ARPP21: variants seen among roughly 807,000 people sequenced by gnomAD.
ARPP21 encodes the protein cAMP-regulated phosphoprotein 21.
A neutral mutation model predicts 113.2 loss-of-function variants in ARPP21; 69 were observed. That is an observed-to-expected ratio of 0.61 (90% CI 0.50 to 0.74). ARPP21 has a LOEUF of 0.74. ARPP21 is among the 30% of genes least tolerant of loss of function. The pLI is 0.00. For synonymous variants in ARPP21, 368 were observed against 375.5 expected, an observed-to-expected ratio of 0.98 and a Z score of 0.23; for missense variants, 1,070 against 1,037.4, an observed-to-expected ratio of 1.03 and a Z score of -0.43.
At chr3:35,788,799 C>A (rs1337659464) in intron 19 of ARPP21, among the ~76,000 whole-genome samples, 1 of 152,138 alleles carries the variant, frequency 6.6e-6, no homozygotes, top group Non-Finnish European at 1.5e-5. Context: ...TAACCAAATG[C>A]CCTCAAACTA....
At chr3:35,644,929 T>C (rs949654311) in intron 1 of ARPP21, among the ~76,000 whole-genome samples, 34 of 151,882 alleles carry the variant, frequency 2.2e-4, no homozygotes, top group African/African-American at 7.5e-4. Flanking sequence ...ATGTGACAGG[T>C]TTAGAAGATT....
chr3:35,734,024 A>G (rs2150587372), intron 15 of ARPP21, among the ~76,000 whole-genome samples: 1 of 152,338 alleles, frequency 6.6e-6, no homozygotes, highest in Admixed American at 6.5e-5. Flanking sequence ...GGGGTAAATC[A>G]AAAGCCATAC....
intron 9 of ARPP21, among the ~76,000 whole-genome samples, chr3:35,705,660 C>A (rs2088630531): frequency 6.6e-6 from 1 of 152,016 alleles, no homozygotes; most frequent in African/African-American, 2.4e-5. Flanking sequence ...AACGTGAAAT[C>A]AAAAGAAGCA....
chr3:35,646,118 G>T (rs1393944326), intron 1 of ARPP21, among the ~76,000 whole-genome samples: 1 of 151,864 alleles, frequency 6.6e-6, no homozygotes, highest in Non-Finnish European at 1.5e-5. Context: ...TAGAAAAATC[G>T]AGCCACTGGT....
Position 35,738,242 on chromosome 3 carries a change from A to T in ARPP21, c.1673A>T (p.Gln558Leu). The T allele has an allele frequency of 6.5e-7, 1 of 1,536,330 alleles. No individual in the cohort carries two copies. Among genetic ancestry groups the T allele is most frequent in the African/African-American group, 1.4e-5 (1 of 73,154 alleles). Residue 558 changes from glutamine to leucine, a missense_variant, in exon 17 of 21, where the codon CAG (glutamine) becomes CTG (leucine). Gln to Leu is a moderately radical substitution (Grantham distance 113, BLOSUM62 -2). Transcript: ENST00000684406. Reference sequence around the variant, plus strand: ...GTCCAGGGGCTGCAGGCTTCCTCCCAGTCAGTGCAATATCCAGCAGTCTCT... The same window carrying T: ...GTCCAGGGGCTGCAGGCTTCCTCCCTGTCAGTGCAATATCCAGCAGTCTCT... ...QSVQGLQASSQSVQYPAVSFP... is the reference protein window; with the variant it reads ...QSVQGLQASSLSVQYPAVSFP...
chr3:35,770,487 C>G (rs1486551771), intron 19 of ARPP21, among the ~76,000 whole-genome samples: 1 of 151,870 alleles, frequency 6.6e-6, no homozygotes, highest in African/African-American at 2.4e-5. Context: ...GCATATGGTT[C>G]TTTTCACCAC....
chr3:35,675,798 A>AGATGAT (rs58955088), intron 1 of ARPP21, among the ~76,000 whole-genome samples: 6,865 of 149,300 alleles, frequency 0.046, 198 homozygotes, highest in African/African-American at 0.085. Flanking sequence ...GCTAAGATGA[A>AGATGAT]GATGATGATG....
chr3:35,765,120 T>C (rs2095916590), intron 19 of ARPP21, among the ~76,000 whole-genome samples: 1 of 152,122 alleles, frequency 6.6e-6, no homozygotes, highest in Admixed American at 6.6e-5. Flanking sequence ...TATATGGAAT[T>C]TTTGCAGAAA....
At chr3:35,743,256 C>T (rs892108579) in intron 18 of ARPP21, among the ~76,000 whole-genome samples, 2 of 152,114 alleles carry the variant, frequency 1.3e-5, no homozygotes, top group African/African-American at 4.8e-5. Flanking sequence ...TGTAGGTTTT[C>T]GTTGTTGATG....
At position 35,706,955 on chromosome 3, in the gene ARPP21, T is replaced by G; in HGVS notation, c.687-19T>G. The stretch of plus-strand genomic sequence containing the variant: ...AGGGGGAAAAACTTTTTTATTGATA[T>G]GTTTTACTTTGCTGGCAGACCAGAG... On this transcript the variant is annotated intron_variant, in intron 9 of 20. Transcript: ENST00000684406. 6.3e-7 allele frequency: 1 copy of G among 1,581,112 alleles called. No individual in the cohort carries two copies. Among genetic ancestry groups the G allele is most frequent in the Non-Finnish European group, 8.6e-7 (1 of 1,161,434 alleles).
chr3:35,776,498 C>A (rs941300249), intron 19 of ARPP21, among the ~76,000 whole-genome samples: 3 of 152,124 alleles, frequency 2.0e-5, no homozygotes, highest in African/African-American at 7.2e-5. Context: ...CTTAATAAGT[C>A]ACCAGAAAAA....
intron 12 of ARPP21, chr3:35,715,716 G>C (rs1559721375): frequency 3.2e-6 from 1 of 316,984 alleles, no homozygotes; most frequent in Non-Finnish European, 5.9e-6. Flanking sequence ...CTTATTTAAA[G>C]TCTCAATTTC....
chr3:35,776,242 A>G (rs2096362858), intron 19 of ARPP21, among the ~76,000 whole-genome samples: 1 of 152,228 alleles, frequency 6.6e-6, no homozygotes, highest in African/African-American at 2.4e-5. Flanking sequence ...CTTTCTTTAA[A>G]AAAATCACTT....
chr3:35,718,391 C>T (rs1195358454), intron 13 of ARPP21, among the ~76,000 whole-genome samples: 1 of 152,096 alleles, frequency 6.6e-6, no homozygotes, highest in African/African-American at 2.4e-5. Flanking sequence ...AATAACTTTG[C>T]ACTTCTTTTG....
chr3:35,708,476 A>G (rs1051437439), intron 10 of ARPP21, among the ~76,000 whole-genome samples: 2 of 152,232 alleles, frequency 1.3e-5, no homozygotes, highest in African/African-American at 2.4e-5. Context: ...TAATGTCCAC[A>G]TCTTCCTTTC....
intron 1 of ARPP21, among the ~76,000 whole-genome samples, chr3:35,675,950 A>C (rs2077384449): frequency 6.6e-6 from 1 of 151,922 alleles, no homozygotes; most frequent in South Asian, 2.1e-4. Flanking sequence ...TTTGTAAAGC[A>C]GAATTCCAAT....
chr3:35,792,328 A>C (rs571019538), intron 19 of ARPP21, 54 bp from the exon 20 acceptor site: 29 of 1,568,790 alleles, frequency 1.8e-5, no homozygotes, highest in Non-Finnish European at 2.5e-5. Context: ...ACCCCATGAA[A>C]CATCACTGTG....
intron 11 of ARPP21, among the ~76,000 whole-genome samples, chr3:35,712,003 A>G (rs548961869): frequency 8.3e-4 from 127 of 152,230 alleles, no homozygotes; most frequent in African/African-American, 2.6e-3. Context: ...AAAGGCAGGG[A>G]TCATTGGGGG....
chr3:35,781,832 T>C (rs1289470590), intron 19 of ARPP21, among the ~76,000 whole-genome samples: 1 of 152,168 alleles, frequency 6.6e-6, no homozygotes. Context: ...AATGAAAACT[T>C]TAAAAATGTT....
Sources: allele counts gnomAD v4.1 joint callset (sites outside exome capture counted in the v4.1 genomes callset), GRCh38; gene constraint gnomAD v4.1.1; transcripts MANE v1.5; gene names NCBI Gene and HGNC (gene_info 2026-07-23, HGNC 2026-07-21).